TGFB2: variants seen among roughly 807,000 people sequenced by gnomAD.
TGFB2 encodes the protein transforming growth factor beta-2 proprotein.
In TGFB2, 13 loss-of-function variants were observed where a neutral mutation model predicts 42.7. The ratio of observed to expected loss-of-function variants is 0.30; its 90% CI spans 0.20 to 0.48. The LOEUF (loss-of-function observed/expected upper bound fraction) is 0.48. Among genes scored for constraint, TGFB2 ranks in the 20% least tolerant of loss-of-function variants. The pLI, the probability that TGFB2 is intolerant of heterozygous loss-of-function variation, is 0.99. For synonymous variants in TGFB2, 193 were observed against 193.6 expected, an observed-to-expected ratio of 1.00 and a Z score of 0.03; for missense variants, 390 against 517.5, an observed-to-expected ratio of 0.75 and a Z score of 2.39.
intron 6 of TGFB2, among the ~76,000 whole-genome samples, chr1:218,438,000 C>T (rs1021212454): frequency 6.6e-6 from 1 of 152,236 alleles, no homozygotes; most frequent in East Asian, 1.9e-4. Context: ...CAGATCATCT[C>T]TTCTAGTTAC....
At chr1:218,407,350 G>A (rs1042511058) in intron 2 of TGFB2, among the ~76,000 whole-genome samples, 1 of 152,146 alleles carries the variant, frequency 6.6e-6, no homozygotes, top group Non-Finnish European at 1.5e-5. Context: ...AATGTGCTGG[G>A]ATTACAGGCA....
In TGFB2 at chr1:218,346,374, T is replaced by G. The variant is rs1279098008; in HGVS notation, c.-328T>G. The G allele has an allele frequency of 8.6e-6, 2 of 232,802 alleles. No individual in the cohort carries two copies. Among genetic ancestry groups the G allele is most frequent in the African/African-American group, 4.6e-5 (2 of 43,492 alleles). 14.4% of individuals were successfully genotyped at this position (232,802 alleles called of 1,614,324 possible). A position where few individuals can be genotyped will look rare whatever the true frequency, so the allele number is the denominator to read the frequency against. ...CTCCACTTCCTCCTCTTAAATTTAT[T>G]TCTACTTAATAGCCACTCGTCTCTT... is the stretch of plus-strand genomic sequence containing the variant. On this transcript the variant is annotated 5_prime_UTR_variant, in exon 1 of 7. The change creates a new upstream start codon in the 5' untranslated region. Transcript: ENST00000366930. The surrounding 1 kb of genome is among the most constrained non-coding windows in gnomAD (Gnocchi z 4.9).
intron 1 of TGFB2, among the ~76,000 whole-genome samples, chr1:218,361,453 C>G (rs945649163): frequency 2.0e-4 from 31 of 152,134 alleles, no homozygotes; most frequent in Non-Finnish European, 2.9e-4. Flanking sequence ...TTCCTATGAC[C>G]TGGGTGACCT....
At position 218,405,416 on chromosome 1, in the gene TGFB2, G is replaced by A. The variant is rs775923751; in HGVS notation, c.510+84G>A. 5.9e-5 allele frequency: 95 copies of A among 1,597,378 alleles called. 2 individuals are homozygous for A. The highest frequency in any genetic ancestry group is 3.3e-4 in the Middle Eastern group (2 of 6,046). On this transcript the variant is annotated intron_variant, in intron 2 of 6. Transcript: ENST00000366930. ...CTCTCTCTCTCTGTCACAGGCTAGA[G>A]TACAGTGGCATGATCACAGCTCACT...
chr1:218,387,876 T>C (rs1658188573), intron 1 of TGFB2, among the ~76,000 whole-genome samples: 1 of 152,226 alleles, frequency 6.6e-6, no homozygotes, highest in Non-Finnish European at 1.5e-5. Flanking sequence ...TTTAGGATTC[T>C]GGGATCCTTC....
chr1:218,354,347 C>A (rs945561939), intron 1 of TGFB2, among the ~76,000 whole-genome samples: 37 of 152,222 alleles, frequency 2.4e-4, no homozygotes, highest in African/African-American at 6.3e-4. Flanking sequence ...TGCTAAAGAG[C>A]ACAGGGATTC....
intron 1 of TGFB2, among the ~76,000 whole-genome samples, chr1:218,361,384 G>GAACT (rs1443528604): frequency 2.0e-5 from 3 of 152,156 alleles, no homozygotes; most frequent in Non-Finnish European, 4.4e-5. Flanking sequence ...GCATACTTGA[G>GAACT]AACTGCAGGC....
At chr1:218,422,200 GTTTT>G (rs1040607661) in intron 2 of TGFB2, among the ~76,000 whole-genome samples, 3 of 150,882 alleles carry the variant, frequency 2.0e-5, no homozygotes, top group Non-Finnish European at 3.0e-5. Flanking sequence ...CTTTCTTCTT[GTTTT>G]TTTTGTTTTT....
chr1:218,407,028 A>G (rs2796819), intron 2 of TGFB2, among the ~76,000 whole-genome samples: 86,290 of 152,124 alleles, frequency 0.57, 26,521 homozygotes, highest in African/African-American at 0.8. Flanking sequence ...TTATGAAAAT[A>G]GAGAACTACC....
At chr1:218,440,825 G>T (rs1446624292) in intron 6 of TGFB2, among the ~76,000 whole-genome samples, 1 of 152,138 alleles carries the variant, frequency 6.6e-6, no homozygotes, top group Non-Finnish European at 1.5e-5. Flanking sequence ...GAGTAGTGTA[G>T]AAATAAGACC....
chr1:218,414,071 G>A (rs1659191014), intron 2 of TGFB2, among the ~76,000 whole-genome samples: 3 of 152,156 alleles, frequency 2.0e-5, no homozygotes, highest in African/African-American at 2.4e-5. Flanking sequence ...CGTTCTTAAG[G>A]TTTCATAGTG....
At chr1:218,371,162 A>G (rs1657558122) in intron 1 of TGFB2, among the ~76,000 whole-genome samples, 1 of 151,984 alleles carries the variant, frequency 6.6e-6, no homozygotes, top group African/African-American at 2.4e-5. Context: ...AGCCGGGCCT[A>G]ATGTGGCACG....
At chr1:218,415,694 C>CA (rs779476856) in intron 2 of TGFB2, among the ~76,000 whole-genome samples, 10,007 of 39,802 alleles carry the variant, frequency 0.25, 1,961 homozygotes, top group East Asian at 0.5. Context: ...GACTCTGTCT[C>CA]AAAAGAAAAA....
In TGFB2 at chr1:218,382,377, G is replaced by A. The variant is rs570119130; in HGVS notation, c.347-22792G>A. On this transcript the variant is annotated intron_variant, in intron 1 of 6. Coordinates refer to ENST00000366930, the MANE Select transcript of TGFB2 (RefSeq NM_003238.6). ...GAAGGCGGAAAATTATAAAAGCAAA[G>A]GTGTGAAGTGAAGCTCTTTGGTTAG... 2.0e-5 allele frequency among the ~76,000 whole-genome samples: 3 copies of A among 152,252 alleles called. No homozygotes were observed. The South Asian group carries it at 6.2e-4, about 32-fold the overall frequency.
At position 218,417,430 on chromosome 1, in the gene TGFB2, A is replaced by G. The variant is rs112247154; in HGVS notation, c.510+12098A>G. Among the ~76,000 whole-genome samples the G allele has an allele frequency of 3.7e-3, 569 of 152,370 alleles. 3 individuals are homozygous for G. Among genetic ancestry groups the G allele is most frequent in the African/African-American group, 0.013 (557 of 41,590 alleles). On this transcript the variant is annotated intron_variant, in intron 2 of 6. Coordinates refer to ENST00000366930, the MANE Select transcript of TGFB2 (RefSeq NM_003238.6). ...GAAAGAAACTTCTAAGCAGCAAAGCATTCAAGAGGTGACTTGGGTGCTGTT... is the reference window on the plus strand; with the variant it reads ...GAAAGAAACTTCTAAGCAGCAAAGCGTTCAAGAGGTGACTTGGGTGCTGTT...
At chr1:218,412,573 C>G (rs74143060) in intron 2 of TGFB2, among the ~76,000 whole-genome samples, 4,003 of 152,216 alleles carry the variant, frequency 0.026, 181 homozygotes, top group African/African-American at 0.091. Context: ...ATTGAGGCAG[C>G]ATGGCATAGT....
intron 1 of TGFB2, among the ~76,000 whole-genome samples, chr1:218,358,636 C>T (rs1274731912): frequency 2.0e-5 from 3 of 150,490 alleles, no homozygotes; most frequent in African/African-American, 7.4e-5. Flanking sequence ...GCAAGCTCTG[C>T]CTCCGGGGTT....
intron 1 of TGFB2, among the ~76,000 whole-genome samples, chr1:218,394,382 G>A (rs541912010): frequency 6.6e-6 from 1 of 152,272 alleles, no homozygotes; most frequent in Admixed American, 6.5e-5. Flanking sequence ...TTATGAGGAT[G>A]ATGGAAACTT....
chr1:218,378,394 T>G (rs1458748697), intron 1 of TGFB2, among the ~76,000 whole-genome samples: 1 of 151,954 alleles, frequency 6.6e-6, no homozygotes, highest in Non-Finnish European at 1.5e-5. Flanking sequence ...CCAGGCTGGT[T>G]TCGAAGTCCT....
Sources: allele counts gnomAD v4.1 joint callset (sites outside exome capture counted in the v4.1 genomes callset), GRCh38; gene constraint gnomAD v4.1.1; non-coding constraint Gnocchi (gnomAD v3.1); transcripts MANE v1.5; gene names NCBI Gene and HGNC (gene_info 2026-07-23, HGNC 2026-07-21).